Variants in NRG1 observed in about 807,000 individuals in gnomAD.
NRG1 encodes the protein pro-neuregulin-1, membrane-bound isoform.
Under a neutral mutation model 63.8 loss-of-function variants are expected in NRG1, and 18 were observed. The ratio of observed to expected loss-of-function variants is 0.28; its 90% CI spans 0.19 to 0.42. The LOEUF (loss-of-function observed/expected upper bound fraction) is 0.42. NRG1 is among the 10% of genes least tolerant of loss of function. The pLI is 1.00. For synonymous variants in NRG1, 302 were observed against 301.3 expected, an observed-to-expected ratio of 1.00 and a Z score of -0.02; for missense variants, 762 against 814.7, an observed-to-expected ratio of 0.94 and a Z score of 0.79.
intron 5 of NRG1, among the ~76,000 whole-genome samples, chr8:32,705,740 T>C (rs966586529): frequency 6.6e-6 from 1 of 152,190 alleles, no homozygotes; most frequent in Non-Finnish European, 1.5e-5. Flanking sequence ...ACCAGCATCA[T>C]TGGTGTATAT....
exon 8 of NRG1, chr8:32,754,386 T>C: frequency 6.2e-7 from 1 of 1,613,790 alleles, no homozygotes; most frequent in East Asian, 2.2e-5. Flanking sequence ...GGAGGAGCTG[T>C]ACCAGAAGAG....
intron 5 of NRG1, chr8:32,722,157 G>T (rs1028903855): frequency 2.3e-6 from 2 of 856,950 alleles, no homozygotes; most frequent in Non-Finnish European, 3.6e-6. Flanking sequence ...TTAATTTTCT[G>T]TAAGTAACTC....
chr8:32,061,581 G>C (rs909044289), intron 1 of NRG1: 1 of 151,944 alleles, frequency 6.6e-6, no homozygotes, highest in Non-Finnish European at 1.5e-5. Flanking sequence ...CCCTTTCACT[G>C]GTGATGTTTT....
At chr8:31,906,709 G>T (rs59160190) in intron 1 of NRG1, among the ~76,000 whole-genome samples, 1,840 of 152,136 alleles carry the variant, frequency 0.012, 41 homozygotes, top group African/African-American at 0.042. Flanking sequence ...TGTGTGACAT[G>T]CAGTGAGATT....
At chr8:32,713,192 T>C (rs1818241846) in intron 5 of NRG1, among the ~76,000 whole-genome samples, 1 of 152,190 alleles carries the variant, frequency 6.6e-6, no homozygotes, top group Non-Finnish European at 1.5e-5. Flanking sequence ...TGTTGCCATA[T>C]TGCTGCTATG....
At chr8:32,053,255 C>T (rs2130828823) in intron 1 of NRG1, among the ~76,000 whole-genome samples, 1 of 152,210 alleles carries the variant, frequency 6.6e-6, no homozygotes. Context: ...GGGCTGTGTC[C>T]ATTTCATCAC....
chr8:31,779,461 A>G (rs1819471711), intron 1 of NRG1, among the ~76,000 whole-genome samples: 1 of 145,474 alleles, frequency 6.9e-6, no homozygotes, highest in Non-Finnish European at 1.5e-5. Context: ...CCAGAAGGGA[A>G]AAAAAAAAAA....
intron 1 of NRG1, among the ~76,000 whole-genome samples, chr8:32,357,947 G>C (rs1425962158): frequency 6.6e-6 from 1 of 152,126 alleles, no homozygotes; most frequent in African/African-American, 2.4e-5. Flanking sequence ...ATTAGGAAAA[G>C]AACCCTTTAA....
chr8:32,754,707 T>C (rs1452124203), intron 8 of NRG1, among the ~76,000 whole-genome samples: 2 of 152,232 alleles, frequency 1.3e-5, no homozygotes, highest in East Asian at 3.9e-4. Flanking sequence ...CCACAGCCCC[T>C]GAGTGGATAA....
At chr8:31,646,045 C>T (rs1056122620) in intron 1 of NRG1, among the ~76,000 whole-genome samples, 26 of 152,252 alleles carry the variant, frequency 1.7e-4, no homozygotes, top group African/African-American at 6.3e-4. Flanking sequence ...TTCAGCTGTC[C>T]GGGTCCAAGG....
At chr8:32,636,976 TTTTG>T (rs1259303020) in intron 5 of NRG1, among the ~76,000 whole-genome samples, 2 of 152,138 alleles carry the variant, frequency 1.3e-5, no homozygotes, top group East Asian at 1.9e-4. Context: ...TGGTGGATTA[TTTTG>T]TTTGTTTGGC....
In NRG1 at chr8:31,875,976, G is replaced by T. The variant is rs542975440; in HGVS notation, c.37+236545G>T. ...CTGTCTCCTACTCATGATAGCAGGG[G>T]GCAGATTCAGATCTGCAGGAGGTAG... On this transcript the variant is annotated intron_variant, in intron 1 of 10. Coordinates refer to the NRG1 transcript ENST00000519301. Among the ~76,000 whole-genome samples the T allele has an allele frequency of 1.5e-4, 23 of 152,064 alleles. 1 individual carries two copies. In the South Asian group the frequency reaches 4.8e-3, roughly 32 times the overall value.
At chr8:32,122,019 T>A (rs1247230149) in intron 1 of NRG1, among the ~76,000 whole-genome samples, 1 of 152,038 alleles carries the variant, frequency 6.6e-6, no homozygotes, top group Non-Finnish European at 1.5e-5. Context: ...TATTGATTTG[T>A]CTTTTTCTTT....
At chr8:32,693,263 G>A (rs1812306013) in intron 5 of NRG1, among the ~76,000 whole-genome samples, 1 of 148,988 alleles carries the variant, frequency 6.7e-6, no homozygotes, top group South Asian at 2.1e-4. Flanking sequence ...CTGTCACCCA[G>A]GCTGGAGTGC....
chr8:31,712,454 G>C (rs1442437477), intron 1 of NRG1, among the ~76,000 whole-genome samples: 2 of 151,788 alleles, frequency 1.3e-5, no homozygotes, highest in Non-Finnish European at 1.5e-5. Flanking sequence ...ATTTTTAGTA[G>C]AGAAGGGGTT....
intron 5 of NRG1, among the ~76,000 whole-genome samples, chr8:32,694,542 C>G (rs1036016182): frequency 1.3e-5 from 2 of 152,106 alleles, no homozygotes; most frequent in African/African-American, 2.4e-5. Flanking sequence ...ATAATAAAGT[C>G]TGAGCTCTGG....
At chr8:32,618,490 A>G (rs2129542125) in intron 5 of NRG1, among the ~76,000 whole-genome samples, 1 of 152,322 alleles carries the variant, frequency 6.6e-6, no homozygotes, top group South Asian at 2.1e-4. Context: ...TGAGAGAGAA[A>G]TAATTATGAA....
At chr8:32,557,736 A>G (rs930440593) in intron 1 of NRG1, among the ~76,000 whole-genome samples, 9 of 152,048 alleles carry the variant, frequency 5.9e-5, no homozygotes, top group Non-Finnish European at 8.8e-5. Flanking sequence ...ATTTTGGGAA[A>G]GAGTAATACT....
intron 1 of NRG1, among the ~76,000 whole-genome samples, chr8:32,298,902 C>T (rs1160128240): frequency 6.6e-6 from 1 of 150,452 alleles, no homozygotes; most frequent in East Asian, 2.0e-4. Context: ...TGGCATGTAC[C>T]TGTAGTCCCA....
Sources: gnomAD v4.1 joint callset for allele counts (sites outside exome capture counted in the v4.1 genomes callset) on GRCh38, gnomAD v4.1.1 for gene constraint, MANE v1.5 for transcripts, NCBI Gene and HGNC (gene_info 2026-07-23, HGNC 2026-07-21) for gene names.